The following PLXNA4 variants were observed in gnomAD, a reference collection of about 807,000 sequenced individuals.
The protein encoded by PLXNA4 is plexin-A4.
Under a neutral mutation model 191.8 loss-of-function variants are expected in PLXNA4, and 44 were observed. The observed-to-expected ratio is 0.23, with a 90% CI of 0.18 to 0.29. The LOEUF (loss-of-function observed/expected upper bound fraction) is 0.29. Ranked by LOEUF, PLXNA4 falls within the 10% of genes least tolerant of loss-of-function variation. The pLI, the probability that PLXNA4 is intolerant of heterozygous loss-of-function variation, is 1.00. For synonymous variants in PLXNA4, 1,082 were observed against 1,009.5 expected, an observed-to-expected ratio of 1.07 and a Z score of -1.36; for missense variants, 1,800 against 2,488.8, an observed-to-expected ratio of 0.72 and a Z score of 5.89.
intron 2 of PLXNA4, among the ~76,000 whole-genome samples, chr7:132,501,319 G>T (rs1798241470): frequency 6.6e-6 from 1 of 152,178 alleles, no homozygotes; most frequent in Non-Finnish European, 1.5e-5. Flanking sequence ...GTGCACATGG[G>T]TGTGCTATGG....
intron 3 of PLXNA4, among the ~76,000 whole-genome samples, chr7:132,303,300 G>A (rs1397994213): frequency 7.2e-6 from 1 of 139,280 alleles, no homozygotes; most frequent in East Asian, 2.1e-4. Context: ...GCCGGGTGCT[G>A]TTGCTTAAGC....
At chr7:132,588,068 C>T (rs1802534455) in intron 2 of PLXNA4, among the ~76,000 whole-genome samples, 1 of 151,842 alleles carries the variant, frequency 6.6e-6, no homozygotes, top group Non-Finnish European at 1.5e-5. Flanking sequence ...CTCCCTTAAC[C>T]CTCTGAAGGC....
At chr7:132,476,031 C>T (rs552177118) in intron 3 of PLXNA4, among the ~76,000 whole-genome samples, 18 of 152,232 alleles carry the variant, frequency 1.2e-4, no homozygotes, top group African/African-American at 3.6e-4. Flanking sequence ...AAGGCTCTGC[C>T]GGTTCCTATG....
intron 1 of PLXNA4, among the ~76,000 whole-genome samples, chr7:132,550,677 C>T (rs1331721822): frequency 6.6e-6 from 1 of 152,224 alleles, no homozygotes; most frequent in Non-Finnish European, 1.5e-5. Flanking sequence ...TCCCTCAAGG[C>T]TTCTGTCTGA....
chr7:132,620,035 C>G (rs1408367522), intron 2 of PLXNA4, among the ~76,000 whole-genome samples: 2 of 152,180 alleles, frequency 1.3e-5, no homozygotes, highest in Non-Finnish European at 2.9e-5. Flanking sequence ...AGCTCCTGAC[C>G]TCATGATCAG....
intron 3 of PLXNA4, among the ~76,000 whole-genome samples, chr7:132,425,906 A>C (rs1262773309): frequency 6.6e-6 from 1 of 152,200 alleles, no homozygotes; most frequent in Non-Finnish European, 1.5e-5. Context: ...GGGCTTCTGC[A>C]GCCCTCGGGC....
At chr7:132,529,208 G>A (rs1212767268) in intron 1 of PLXNA4, among the ~76,000 whole-genome samples, 1 of 152,184 alleles carries the variant, frequency 6.6e-6, no homozygotes, top group Non-Finnish European at 1.5e-5. Flanking sequence ...CCCATTGCAG[G>A]TTGGTGTCAC....
chr7:132,629,195 C>T (rs1477458530), intron 2 of PLXNA4, among the ~76,000 whole-genome samples: 1 of 152,194 alleles, frequency 6.6e-6, no homozygotes, highest in Non-Finnish European at 1.5e-5. Context: ...TAACTACCAG[C>T]ATTCCAGGAA....
At chr7:132,427,239 A>C (rs975399812) in intron 3 of PLXNA4, among the ~76,000 whole-genome samples, 3 of 152,170 alleles carry the variant, frequency 2.0e-5, no homozygotes, top group Non-Finnish European at 2.9e-5. Flanking sequence ...GCCTTCAGAG[A>C]AATGGCGCAC....
intron 1 of PLXNA4, among the ~76,000 whole-genome samples, chr7:132,537,781 G>A (rs1367187548): frequency 1.3e-5 from 2 of 152,186 alleles, no homozygotes; most frequent in African/African-American, 4.8e-5. Flanking sequence ...AATGGGAGCT[G>A]GGAAATTCTT....
At chr7:132,256,186 A>G (rs1188625450) in intron 4 of PLXNA4, among the ~76,000 whole-genome samples, 1 of 152,248 alleles carries the variant, frequency 6.6e-6, no homozygotes, top group African/African-American at 2.4e-5. Context: ...CTGCTGTGAC[A>G]GGGACATGAG....
chr7:132,563,824 C>T (rs1429482581), intron 1 of PLXNA4, among the ~76,000 whole-genome samples: 1 of 84,124 alleles, frequency 1.2e-5, no homozygotes, highest in African/African-American at 3.9e-5. Flanking sequence ...CCTTCTCCTC[C>T]TCCTTCTCCT....
At chr7:132,353,689 G>A (rs1380398219) in intron 3 of PLXNA4, among the ~76,000 whole-genome samples, 3 of 152,144 alleles carry the variant, frequency 2.0e-5, no homozygotes, top group Non-Finnish European at 4.4e-5. Flanking sequence ...AGCTTCCTCT[G>A]CTGTTCTTAT....
chr7:132,577,455 C>A (rs1367856183), upstream of PLXNA4, among the ~76,000 whole-genome samples: 1 of 151,390 alleles, frequency 6.6e-6, no homozygotes, highest in African/African-American at 2.4e-5. Context: ...CGCCCGCCGC[C>A]GCTCCCTCTC....
intron 3 of PLXNA4, among the ~76,000 whole-genome samples, chr7:132,392,463 C>T (rs1563073825): frequency 6.6e-6 from 1 of 152,150 alleles, no homozygotes; most frequent in Non-Finnish European, 1.5e-5. Flanking sequence ...ACAATCTTTC[C>T]AGGGCTGCCA....
At chr7:132,151,283 AGG>A (rs1795595420) in intron 25 of PLXNA4, among the ~76,000 whole-genome samples, 2 of 88,294 alleles carry the variant, frequency 2.3e-5, no homozygotes, top group Non-Finnish European at 5.4e-5. Flanking sequence ...AAGAAGGAGG[AGG>A]AGGAGGAAGA....
At chr7:132,392,087 C>T (rs1793518465) in intron 3 of PLXNA4, among the ~76,000 whole-genome samples, 1 of 151,748 alleles carries the variant, frequency 6.6e-6, no homozygotes, top group African/African-American at 2.4e-5. Context: ...GAGATCACAC[C>T]ATTGCACTCC....
chr7:132,336,696 C>G (rs951505485), intron 3 of PLXNA4, among the ~76,000 whole-genome samples: 8 of 152,254 alleles, frequency 5.3e-5, no homozygotes, highest in Non-Finnish European at 1.0e-4. Flanking sequence ...GAATCACTAG[C>G]AAAGCTGGGA....
chr7:132,164,327 A>G (rs372608420), intron 23 of PLXNA4, 39 bp from the exon 24 acceptor site: 141 of 1,607,844 alleles, frequency 8.8e-5, no homozygotes, highest in Non-Finnish European at 1.2e-4. Flanking sequence ...GAGCTCTTGG[A>G]ACACTGGAGT....
Sources: allele counts gnomAD v4.1 joint callset (sites outside exome capture counted in the v4.1 genomes callset), GRCh38; gene constraint gnomAD v4.1.1; transcripts MANE v1.5; gene names NCBI Gene and HGNC (gene_info 2026-07-23, HGNC 2026-07-21).